TRUB1: variants seen among roughly 807,000 people sequenced by gnomAD.
TRUB1 encodes the protein TruB pseudouridine synthase family member 1.
In TRUB1, 23 loss-of-function variants were observed where a neutral mutation model predicts 33.9. That is an observed-to-expected ratio of 0.68 (90% confidence interval 0.49 to 0.96). The LOEUF (loss-of-function observed/expected upper bound fraction) is 0.96, where lower values mean the gene tolerates loss of function less well. Among genes scored for constraint, TRUB1 ranks in the 40% least tolerant of loss-of-function variants. The probability of loss-of-function intolerance (pLI) is 0.00; values close to 1 mark genes in which losing one functional copy is unlikely to be tolerated. For synonymous variants in TRUB1, 163 were observed against 165.4 expected, an observed-to-expected ratio of 0.99 and a Z score of 0.11; for missense variants, 378 against 422.2, an observed-to-expected ratio of 0.90 and a Z score of 0.92.
chr10:114,956,739 A>G (rs1469429146), intron 3 of TRUB1, among the ~76,000 whole-genome samples: 1 of 152,166 alleles, frequency 6.6e-6, no homozygotes, highest in Non-Finnish European at 1.5e-5. Context: ...TAGATGTGCA[A>G]TGACATCATT....
intron 3 of TRUB1, among the ~76,000 whole-genome samples, chr10:114,953,947 A>T (rs1002305990): frequency 1.3e-5 from 2 of 151,944 alleles, no homozygotes; most frequent in Non-Finnish European, 2.9e-5. Flanking sequence ...ACCATGCCCC[A>T]CCTCCAACAC....
chr10:114,945,315 C>T (rs2084206744), intron 2 of TRUB1, among the ~76,000 whole-genome samples: 1 of 152,156 alleles, frequency 6.6e-6, no homozygotes. Flanking sequence ...TGATTCTTAC[C>T]AGCTTAGCAC....
intron 4 of TRUB1, among the ~76,000 whole-genome samples, chr10:114,966,281 C>CA (rs1266889717): frequency 6.6e-6 from 1 of 152,040 alleles, no homozygotes; most frequent in Non-Finnish European, 1.5e-5. Flanking sequence ...GAACCTGTGT[C>CA]AAAAAACAGT....
intron 1 of TRUB1, 132 bp downstream of exon 1, chr10:114,938,671 G>C (rs1435083164): frequency 1.9e-6 from 2 of 1,055,124 alleles, no homozygotes; most frequent in Non-Finnish European, 2.6e-6. Context: ...AATTAGCTCT[G>C]GACAGGAATC....
In TRUB1 at chr10:114,975,157, C is replaced by T; in HGVS notation, c.828C>T (p.Thr276=). The T allele has an allele frequency of 6.2e-7, 1 of 1,613,238 alleles. No homozygotes were observed. The highest frequency in any genetic ancestry group is 8.5e-7 in the Non-Finnish European group (1 of 1,179,584). The change falls in exon 8 of 8, where the codon ACC becomes ACT. Residue 276 remains threonine (T), a synonymous_variant. Transcript: ENST00000298746. The stretch of plus-strand genomic sequence containing the variant: ...CCTGTGCCAATGTGCTAGAGCTGAC[C>T]CGAACCAAACAGGGACCATTTACGC... ...LSSCANVLEL[T]RTKQGPFTLE... is the part of the protein sequence containing the mutation.
chr10:114,948,183 C>G (rs1471796485), intron 2 of TRUB1, among the ~76,000 whole-genome samples: 1 of 151,958 alleles, frequency 6.6e-6, no homozygotes, highest in Non-Finnish European at 1.5e-5. Flanking sequence ...CATGGAAAAC[C>G]CCGTTATTCA....
At chr10:114,960,502 ATAG>A (rs546020180) in intron 4 of TRUB1, among the ~76,000 whole-genome samples, 1 of 152,290 alleles carries the variant, frequency 6.6e-6, no homozygotes, top group East Asian at 1.9e-4. Flanking sequence ...TCTCTTAGTC[ATAG>A]GCAAGCCAGC....
At chr10:114,960,947 T>G (rs962890570) in intron 4 of TRUB1, among the ~76,000 whole-genome samples, 1 of 152,096 alleles carries the variant, frequency 6.6e-6, no homozygotes, top group Non-Finnish European at 1.5e-5. Context: ...GGAGAATGAT[T>G]ATTATTCAGA....
chr10:114,952,458 AAGGTAGGT>A (rs71010003), intron 3 of TRUB1, among the ~76,000 whole-genome samples: 45,371 of 151,518 alleles, frequency 0.3, 7,805 homozygotes, highest in Middle Eastern at 0.4. Flanking sequence ...AATAATAAGT[AAGGTAGGT>A]AGGTAGGTAG....
intron 4 of TRUB1, among the ~76,000 whole-genome samples, chr10:114,964,164 T>C (rs1308516731): frequency 6.6e-6 from 1 of 152,208 alleles, no homozygotes; most frequent in Non-Finnish European, 1.5e-5. Context: ...ATTAATAGTG[T>C]TTTTAATTTT....
chr10:114,938,935 T>A (rs1371912723), intron 1 of TRUB1, among the ~76,000 whole-genome samples: 1 of 152,224 alleles, frequency 6.6e-6, no homozygotes, highest in Non-Finnish European at 1.5e-5. Context: ...GAAATGCAGA[T>A]ATACTTCGTT....
At chr10:114,941,709 G>A (rs2143020062) in intron 1 of TRUB1, among the ~76,000 whole-genome samples, 1 of 152,218 alleles carries the variant, frequency 6.6e-6, no homozygotes, top group South Asian at 2.1e-4. Context: ...AAATCTAAAT[G>A]CTTAGGAAGT....
chr10:114,965,218 C>T (rs911027131), intron 4 of TRUB1, among the ~76,000 whole-genome samples: 3 of 151,936 alleles, frequency 2.0e-5, no homozygotes, highest in Non-Finnish European at 2.9e-5. Flanking sequence ...CTTGAGCCAC[C>T]GTGCCCAGCC....
intron 6 of TRUB1, among the ~76,000 whole-genome samples, chr10:114,972,967 G>A (rs6585310): frequency 0.47 from 71,862 of 152,022 alleles, 19,719 homozygotes; most frequent in African/African-American, 0.76. Context: ...ATCCAAAGCC[G>A]TGGTTCTTAA....
intron 2 of TRUB1, among the ~76,000 whole-genome samples, chr10:114,947,311 A>G (rs568823683): frequency 6.6e-6 from 1 of 151,816 alleles, no homozygotes; most frequent in South Asian, 2.1e-4. Context: ...TCACCTCCCC[A>G]ACTATGTGAT....
intron 4 of TRUB1, among the ~76,000 whole-genome samples, chr10:114,964,669 C>G (rs2084299024): frequency 6.6e-6 from 1 of 152,116 alleles, no homozygotes; most frequent in South Asian, 2.1e-4. Context: ...CTTTCATGTT[C>G]CCTCTGCAAT....
chr10:114,971,712 CTT>C (rs2084337498), intron 5 of TRUB1, among the ~76,000 whole-genome samples: 1 of 152,074 alleles, frequency 6.6e-6, no homozygotes, highest in African/African-American at 2.4e-5. Flanking sequence ...GTTTTGGTAA[CTT>C]ATATAAAAAT....
intron 2 of TRUB1, among the ~76,000 whole-genome samples, chr10:114,950,195 G>A (rs1445853192): frequency 6.6e-6 from 1 of 152,172 alleles, no homozygotes; most frequent in Non-Finnish European, 1.5e-5. Context: ...AACACACCTG[G>A]CCTTTTAAAG....
chr10:114,938,688 A>G (rs527306441), intron 1 of TRUB1, 149 bp downstream of exon 1: 3 of 953,758 alleles, frequency 3.1e-6, no homozygotes. Flanking sequence ...AATCTCGGGC[A>G]TCTCGGGCTT....
Sources: allele counts gnomAD v4.1 joint callset (sites outside exome capture counted in the v4.1 genomes callset), GRCh38; gene constraint gnomAD v4.1.1; transcripts MANE v1.5; gene names NCBI Gene and HGNC (gene_info 2026-07-23, HGNC 2026-07-21).